Variants in KCNG3 observed in about 807,000 individuals in gnomAD.
The protein encoded by KCNG3 is voltage-gated potassium channel regulatory subunit KCNG3.
A neutral mutation model predicts 29.0 loss-of-function variants in KCNG3; 15 were observed. That is an observed-to-expected ratio of 0.52 (90% CI 0.35 to 0.80). The LOEUF (loss-of-function observed/expected upper bound fraction) is 0.80, where lower values mean the gene tolerates loss of function less well. KCNG3 is among the 30% of genes least tolerant of loss of function. KCNG3 has a pLI of 0.01. For missense variants in KCNG3, 512 were observed against 605.7 expected (o/e 0.85, Z 1.62); for synonymous variants, 322 against 248.9 (o/e 1.29, Z -2.76).
At chr2:42,417,602 G>A in the KCNG3 span, among the ~76,000 whole-genome samples, 11 of 152,246 alleles carry the variant, frequency 7.2e-5, no homozygotes, top group South Asian at 6.2e-4. Flanking sequence ...GACTACAGGC[G>A]TGAGCCACCA....
chr2:42,464,914 A>G (rs188581895), intron 1 of KCNG3, among the ~76,000 whole-genome samples: 221 of 152,298 alleles, frequency 1.5e-3, no homozygotes, highest in African/African-American at 4.9e-3. Context: ...TTTAAAAAAA[A>G]CAAACAAAAA....
the KCNG3 span, among the ~76,000 whole-genome samples, chr2:42,413,514 A>G: frequency 6.6e-6 from 1 of 152,158 alleles, no homozygotes; most frequent in African/African-American, 2.4e-5. Flanking sequence ...TCTAATGATT[A>G]AGAAGTTATA....
At chr2:42,419,793 A>G in the KCNG3 span, among the ~76,000 whole-genome samples, 9 of 152,374 alleles carry the variant, frequency 5.9e-5, no homozygotes, top group African/African-American at 2.2e-4. Flanking sequence ...AGCAGCAATG[A>G]GGAGACAACA....
intron 1 of KCNG3, among the ~76,000 whole-genome samples, chr2:42,476,635 C>T (rs1234759173): frequency 6.6e-6 from 1 of 151,538 alleles, no homozygotes; most frequent in East Asian, 2.0e-4. Flanking sequence ...TATAGGCGCA[C>T]ACCACCATGC....
At chr2:42,436,070 T>G in the KCNG3 span, among the ~76,000 whole-genome samples, 1 of 152,248 alleles carries the variant, frequency 6.6e-6, no homozygotes, top group South Asian at 2.1e-4. Flanking sequence ...AATGATGTAC[T>G]GATACATGCT....
At position 42,473,385 on chromosome 2, in the gene KCNG3, T is replaced by A. The variant is rs528824328; in HGVS notation, c.665+19452A>T. Among the ~76,000 whole-genome samples the A allele has an allele frequency of 7.2e-5, 11 of 151,964 alleles. No homozygotes were observed. The South Asian group carries it at 1.7e-3, about 23-fold the overall frequency. On this transcript the variant is annotated intron_variant, in intron 1 of 1. Coordinates refer to ENST00000306078, the MANE Select transcript of KCNG3 (RefSeq NM_133329.6). ...TTGTTTTTTTGAGACAGTCTCACTC[T>A]GTCTCCCATGGTGGAGTTCAGTGGC... is the stretch of plus-strand genomic sequence containing the variant.
chr2:42,403,903 G>T, the KCNG3 span, among the ~76,000 whole-genome samples: 1 of 152,008 alleles, frequency 6.6e-6, no homozygotes, highest in African/African-American at 2.4e-5. Flanking sequence ...GGCCCTAGCT[G>T]CATTTATGTT....
the KCNG3 span, among the ~76,000 whole-genome samples, chr2:42,409,214 C>T: frequency 6.6e-6 from 1 of 151,998 alleles, no homozygotes. Context: ...CCAGCGGGCC[C>T]GAGCAAAACT....
chr2:42,463,827 G>A (rs533736227), intron 1 of KCNG3: 116 of 234,474 alleles, frequency 4.9e-4, no homozygotes, highest in Middle Eastern at 1.7e-3. Flanking sequence ...TTGGTTCGCA[G>A]GCTGCCAGTC....
chr2:42,443,522 A>G lies in KCNG3; in HGVS notation c.*412T>C, dbSNP rs1274204381. 1 of 157,702 alleles carries G rather than the reference A, an allele frequency of 6.3e-6. No individual in the cohort carries two copies. The highest frequency in any genetic ancestry group is 1.4e-5 in the Non-Finnish European group (1 of 71,574). 9.8% of individuals were successfully genotyped at this position (157,702 alleles called of 1,614,324 possible). On this transcript the variant is annotated 3_prime_UTR_variant, in exon 2 of 2. Coordinates refer to ENST00000306078, the MANE Select transcript of KCNG3 (RefSeq NM_133329.6). The stretch of plus-strand genomic sequence containing the variant: ...TCTGACATTGATATGAGAAATTATA[A>G]AACATTTAGAAATGAAAATGTTACT...
chr2:42,410,161 T>C, the KCNG3 span, among the ~76,000 whole-genome samples: 1 of 152,230 alleles, frequency 6.6e-6, no homozygotes, highest in African/African-American at 2.4e-5. Context: ...TGTTGTTACC[T>C]AGTATTCCAT....
chr2:42,392,246 T>C, the KCNG3 span, among the ~76,000 whole-genome samples: 2 of 152,132 alleles, frequency 1.3e-5, no homozygotes, highest in Non-Finnish European at 2.9e-5. Flanking sequence ...CGTCTGCTCT[T>C]AGTCCATGCT....
chr2:42,493,079 G>A lies in KCNG3; in HGVS notation c.423C>T (p.Arg141=). 1.3e-6 allele frequency: 2 copies of A among 1,553,994 alleles called. No individual in the cohort carries two copies. The highest frequency in any genetic ancestry group is 1.2e-5 in the South Asian group (1 of 85,292). The change falls in exon 1 of 2, where the codon CGC becomes CGT. Residue 141 remains arginine (R), a synonymous_variant. Coordinates refer to ENST00000306078, the MANE Select transcript of KCNG3 (RefSeq NM_133329.6). ...EPGVLGRDEA[R]PGGAEAAPSR... ...AGGGAGCCGCCTCGGCCCCGCCGGG[G>A]CGCGCCTCGTCGCGGCCCAGCACGC...
At chr2:42,433,298 T>C in the KCNG3 span, among the ~76,000 whole-genome samples, 1 of 152,240 alleles carries the variant, frequency 6.6e-6, no homozygotes, top group South Asian at 2.1e-4. Context: ...TAATTTTAGG[T>C]GTCAACTTGA....
chr2:42,493,810 G>C lies in KCNG3; in HGVS notation c.-309C>G, dbSNP rs1673993556. On this transcript the variant is annotated 5_prime_UTR_variant, in exon 1 of 2. Coordinates refer to ENST00000306078, the MANE Select transcript of KCNG3 (RefSeq NM_133329.6). ...CCGCGCCGCCGACCCTCGCGCCCGA[G>C]GGCTGCGCACACCGAGGCCGCGGTG... 4.1e-6 allele frequency: 1 copy of C among 245,416 alleles called. No homozygotes were observed. 15.2% of individuals were successfully genotyped at this position (245,416 alleles called of 1,614,324 possible).
chr2:42,412,222 T>C, the KCNG3 span, among the ~76,000 whole-genome samples: 1 of 152,240 alleles, frequency 6.6e-6, no homozygotes, highest in Non-Finnish European at 1.5e-5. Context: ...TCCTCAACTT[T>C]ATGTATCTTC....
the KCNG3 span, among the ~76,000 whole-genome samples, chr2:42,422,927 G>C: frequency 2.0e-5 from 3 of 152,004 alleles, no homozygotes. Flanking sequence ...CCAGTTTGGT[G>C]GTCTCCAGGG....
chr2:42,448,871 G>C (rs1014409116), intron 1 of KCNG3, among the ~76,000 whole-genome samples: 4 of 151,928 alleles, frequency 2.6e-5, no homozygotes, highest in Non-Finnish European at 5.9e-5. Flanking sequence ...CCAGCTACTT[G>C]GGAGGCTGAG....
chr2:42,477,641 G>A (rs993464529), intron 1 of KCNG3, among the ~76,000 whole-genome samples: 2 of 151,884 alleles, frequency 1.3e-5, no homozygotes, highest in Admixed American at 6.6e-5. Context: ...CACTTTGGGA[G>A]GCCGAGGTGG....
Sources: allele counts gnomAD v4.1 joint callset (sites outside exome capture counted in the v4.1 genomes callset), GRCh38; gene constraint gnomAD v4.1.1; transcripts MANE v1.5; gene names NCBI Gene and HGNC (gene_info 2026-07-23, HGNC 2026-07-21).